The following PFKL variants were observed in gnomAD, a reference collection of about 807,000 sequenced individuals.
The protein encoded by PFKL is phosphofructokinase, liver type, also known as ATP-dependent 6-phosphofructokinase, liver type.
PFKL carries 74 observed loss-of-function variants against 92.1 expected under a neutral mutation model. That is an observed-to-expected ratio of 0.80 (90% CI 0.67 to 0.97). The LOEUF (loss-of-function observed/expected upper bound fraction) is 0.97, where lower values mean the gene tolerates loss of function less well. Ranked by LOEUF, PFKL falls within the 50% of genes least tolerant of loss-of-function variation. The pLI is 0.00. For synonymous variants in PFKL, 494 were observed against 456.4 expected (o/e 1.08, Z -1.05); for missense variants, 1,028 against 1,116.6 (o/e 0.92, Z 1.13).
intron 3 of PFKL, among the ~76,000 whole-genome samples, 192 bp downstream of exon 3, chr21:44,311,275 C>T (rs1047165041): frequency 6.7e-6 from 1 of 149,746 alleles, no homozygotes; most frequent in Non-Finnish European, 1.5e-5. Flanking sequence ...CACACAGACC[C>T]GTGCACGGAC....
At chr21:44,325,471 G>A (rs1035890580) in intron 19 of PFKL, 12 of 582,740 alleles carry the variant, frequency 2.1e-5, no homozygotes, top group South Asian at 6.0e-5. Flanking sequence ...GGCTGGAGCC[G>A]GGGCCCGAGC....
Position 44,318,555 on chromosome 21 carries a change from A to C in PFKL, c.1022A>C (p.Asn341Thr). The change falls in exon 10 of 22, where the codon AAC becomes ACC. Residue 341 changes from asparagine (N) to threonine (T), a missense_variant. Coordinates refer to ENST00000349048, the MANE Select transcript of PFKL (RefSeq NM_002626.6). ...TPACVVTLSG[N>T]QSVRLPLMEC... ...GCCTGCGTGGTCACCCTCTCGGGGA[A>C]CCAGTCAGTGCGGCTGCCCCTCATG... is the stretch of plus-strand genomic sequence containing the variant. 6.4e-7 allele frequency: 1 copy of C among 1,572,370 alleles called. No homozygotes were observed. Among genetic ancestry groups the C allele is most frequent in the Non-Finnish European group, 8.7e-7 (1 of 1,152,944 alleles).
intron 7 of PFKL, 50 bp downstream of exon 7, chr21:44,314,071 G>C (rs1343988462): frequency 2.1e-5 from 28 of 1,321,758 alleles, no homozygotes; most frequent in Non-Finnish European, 3.0e-5. Context: ...GGTGCACTGG[G>C]TAGCGCCCCT....
chr21:44,326,786 T>C lies in PFKL; in HGVS notation c.2267T>C (p.Ile756Thr). The C allele has an allele frequency of 6.2e-7, 1 of 1,610,428 alleles. No homozygotes were observed. Among genetic ancestry groups the C allele is most frequent in the Non-Finnish European group, 8.5e-7 (1 of 1,178,884 alleles). ...LMLKMLAQYRISMAAYVSGEL... is the reference protein window; with the variant it reads ...LMLKMLAQYRTSMAAYVSGEL... The stretch of plus-strand genomic sequence containing the variant: ...CTGAAGATGCTGGCACAATACCGCA[T>C]CAGTATGGCCGCCTACGTGTCAGGG... The change falls in exon 22 of 22, where the codon ATC (isoleucine) becomes ACC (threonine). Residue 756 changes from isoleucine (I) to threonine (T), a missense_variant. Coordinates refer to ENST00000349048, the MANE Select transcript of PFKL (RefSeq NM_002626.6).
chr21:44,302,698 C>T (rs2040811573), intron 1 of PFKL, among the ~76,000 whole-genome samples: 1 of 152,212 alleles, frequency 6.6e-6, no homozygotes, highest in Admixed American at 6.5e-5. Flanking sequence ...CAGCCAGCCT[C>T]ACCATCCTGC....
Position 44,322,196 on chromosome 21 carries a change from A to G in PFKL, c.1402A>G (p.Thr468Ala). ...GGGGCGTGGTGGCTCCATGCTGGGG[A>G]CCAAGAGGTGAGCTGCCTGCTGCGG... ...WLGRGGSMLGTKRTLPKGQLE... is the reference protein window; with the variant it reads ...WLGRGGSMLGAKRTLPKGQLE... Residue 468 changes from threonine (T) to alanine (A), a missense_variant, in exon 14 of 22, where the codon ACC becomes GCC. Thr to Ala is a moderately conservative substitution (Grantham distance 58, BLOSUM62 0). Coordinates refer to ENST00000349048, the MANE Select transcript of PFKL (RefSeq NM_002626.6). The G allele has an allele frequency of 6.2e-7, 1 of 1,601,638 alleles. No individual in the cohort carries two copies.
At chr21:44,326,325 T>A in intron 21 of PFKL, 61 bp downstream of exon 21, 1 of 1,299,798 alleles carries the variant, frequency 7.7e-7, no homozygotes, top group Non-Finnish European at 1.1e-6. Context: ...AGACCTTCCC[T>A]GAGGCAGGTG....
intron 2 of PFKL, chr21:44,307,203 C>CG (rs2040975892): frequency 9.9e-6 from 9 of 904,536 alleles, no homozygotes; most frequent in Non-Finnish European, 1.1e-5. Context: ...CACCCAGACC[C>CG]GGGGGGCAGC....
intron 21 of PFKL, 32 bp from the exon 22 acceptor site, chr21:44,326,682 TC>T: frequency 6.2e-7 from 1 of 1,605,898 alleles, no homozygotes; most frequent in Non-Finnish European, 8.5e-7. Flanking sequence ...GACCCCTGAC[TC>T]CCCATCATCC....
chr21:44,313,096 C>T lies in PFKL; in HGVS notation c.546C>T (p.Leu182=). 3 of 1,613,064 alleles carry T rather than the reference C, an allele frequency of 1.9e-6. No individual in the cohort carries two copies. Among genetic ancestry groups the T allele is most frequent in the South Asian group, 1.1e-5 (1 of 91,088 alleles). The change falls in exon 5 of 22, where the codon CTC becomes CTT. Residue 182 remains leucine (L), a synonymous_variant. Coordinates refer to ENST00000349048, the MANE Select transcript of PFKL (RefSeq NM_002626.6). ...TDMTIGTDSA[L]HRIMEVIDAI... ...TGACCATCGGCACGGACTCGGCCCTCCACCGCATCATGGAGGTCATCGATG... is the reference window on the plus strand; with the variant it reads ...TGACCATCGGCACGGACTCGGCCCTTCACCGCATCATGGAGGTCATCGATG...
At chr21:44,305,598 C>T (rs1302915678) in intron 1 of PFKL, among the ~76,000 whole-genome samples, 1 of 152,168 alleles carries the variant, frequency 6.6e-6, no homozygotes, top group Non-Finnish European at 1.5e-5. Flanking sequence ...AGGCCTGTTA[C>T]ACGGCCCCAG....
intron 2 of PFKL, among the ~76,000 whole-genome samples, chr21:44,308,559 A>AGTT (rs2041021467): frequency 7.5e-6 from 1 of 133,624 alleles, no homozygotes; most frequent in Admixed American, 7.6e-5. Context: ...GGGGGTAGGA[A>AGTT]TTTTTTTTTT....
chr21:44,304,571 AG>A, intron 1 of PFKL: 1 of 1,106,442 alleles, frequency 9.0e-7, no homozygotes, highest in Non-Finnish European at 1.1e-6. Flanking sequence ...AACTCCAGTG[AG>A]GGTGGGGGAC....
At chr21:44,317,515 C>T (rs1041464833) in intron 9 of PFKL, among the ~76,000 whole-genome samples, 9 of 152,162 alleles carry the variant, frequency 5.9e-5, no homozygotes, top group Non-Finnish European at 1.0e-4. Context: ...ATGGAAATGC[C>T]GCTGCTGTGA....
chr21:44,316,199 G>A (rs764359232), intron 7 of PFKL, 45 bp from the exon 8 acceptor site: 3 of 1,590,890 alleles, frequency 1.9e-6, no homozygotes, highest in African/African-American at 1.3e-5. Context: ...GTCCGGGGCA[G>A]GTTTCCCTGC....
chr21:44,312,163 G>A lies in PFKL; in HGVS notation c.296G>A (p.Arg99Gln), dbSNP rs760330135. Residue 99 changes from arginine (R) to glutamine (Q), a missense_variant, in exon 4 of 22, where the codon CGG becomes CAG. Arg to Gln is a conservative substitution (Grantham distance 43, BLOSUM62 1). Transcript: ENST00000349048. ...CKAFTTREGR[R>Q]AAAYNLVQHG... is the part of the protein sequence containing the mutation. ...GCCTTTACCACCAGGGAGGGGCGCC[G>A]GGCAGCGGCCTACAACCTGGTCCAG... 36 of 1,594,948 alleles carry A rather than the reference G, an allele frequency of 2.3e-5. No homozygotes were observed. The highest frequency in any genetic ancestry group is 1.5e-4 in the African/African-American group (11 of 73,930).
Position 44,324,499 on chromosome 21 carries a change from C to T in PFKL, c.1659C>T (p.Asp553=). The change falls in exon 17 of 22, where the codon GAC becomes GAT. Residue 553 remains aspartate (D), a synonymous_variant. Transcript: ENST00000349048. ...TAVNAAMESC[D]RIKQSASGTK... ...CCCCCCTTGTCCCCCAGAGCTGTGA[C>T]CGCATCAAACAGTCTGCCTCGGGGA... The T allele has an allele frequency of 6.2e-7, 1 of 1,613,236 alleles. No individual in the cohort carries two copies. Among genetic ancestry groups the T allele is most frequent in the Non-Finnish European group, 8.5e-7 (1 of 1,179,840 alleles).
chr21:44,312,379 C>T (rs1487835855), intron 4 of PFKL, 85 bp downstream of exon 4: 8 of 1,275,342 alleles, frequency 6.3e-6, no homozygotes, highest in South Asian at 4.5e-5. Context: ...GACAGAGGGA[C>T]GAGGGATCCC....
At position 44,326,697 on chromosome 21, in the gene PFKL, C is replaced by G. The variant is rs369653310; in HGVS notation, c.2196-18C>G. On this transcript the variant is annotated intron_variant, in intron 21 of 21. Transcript: ENST00000349048. ...GACCCCTGACTCCCCATCATCCTCCCATCCCCGTCCTGCACAGGCACCGCA... is the reference window on the plus strand; with the variant it reads ...GACCCCTGACTCCCCATCATCCTCCGATCCCCGTCCTGCACAGGCACCGCA... 19 of 1,610,180 alleles carry G rather than the reference C, an allele frequency of 1.2e-5. No individual in the cohort carries two copies. The highest frequency in any genetic ancestry group is 1.6e-5 in the Non-Finnish European group (19 of 1,178,934).
Sources: gnomAD v4.1 joint callset for allele counts (sites outside exome capture counted in the v4.1 genomes callset) on GRCh38, gnomAD v4.1.1 for gene constraint, MANE v1.5 for transcripts, NCBI Gene and HGNC (gene_info 2026-07-23, HGNC 2026-07-21) for gene names.